Variants in PARD3B observed in about 807,000 individuals in gnomAD.
PARD3B encodes partitioning defective 3 homolog B.
A neutral mutation model predicts 130.2 loss-of-function variants in PARD3B; 103 were observed. That is an observed-to-expected ratio of 0.79 (90% confidence interval 0.67 to 0.93). PARD3B has a LOEUF of 0.93. Among genes scored for constraint, PARD3B ranks in the 40% least tolerant of loss-of-function variants. PARD3B has a pLI of 0.00. For synonymous variants in PARD3B, 583 were observed against 553.2 expected (o/e 1.05, Z -0.76); for missense variants, 1,609 against 1,499.2 (o/e 1.07, Z -1.21).
chr2:204,807,070 G>A (rs1293985535), intron 2 of PARD3B, among the ~76,000 whole-genome samples: 1 of 152,178 alleles, frequency 6.6e-6, no homozygotes, highest in Non-Finnish European at 1.5e-5. Flanking sequence ...GCAGGCAAGA[G>A]TGTGTGTGCA....
intron 14 of PARD3B, among the ~76,000 whole-genome samples, chr2:205,186,714 T>G (rs765646558): frequency 2.0e-5 from 3 of 152,198 alleles, no homozygotes; most frequent in Non-Finnish European, 4.4e-5. Context: ...TCTCTGATTC[T>G]TATACTTTTG....
intron 4 of PARD3B, among the ~76,000 whole-genome samples, chr2:205,087,617 A>C (rs1168675157): frequency 6.6e-6 from 1 of 152,188 alleles, no homozygotes; most frequent in African/African-American, 2.4e-5. Flanking sequence ...TAATGAATGC[A>C]ATAAAGTTAA....
chr2:204,579,518 C>G (rs1272700304), intron 1 of PARD3B, among the ~76,000 whole-genome samples: 1 of 152,162 alleles, frequency 6.6e-6, no homozygotes, highest in Non-Finnish European at 1.5e-5. Flanking sequence ...GAAACTGGCT[C>G]TGTTCTACTC....
At chr2:205,432,080 C>G (rs1472956504) in intron 19 of PARD3B, among the ~76,000 whole-genome samples, 1 of 152,084 alleles carries the variant, frequency 6.6e-6, no homozygotes, top group Non-Finnish European at 1.5e-5. Flanking sequence ...TTGTGTGTTG[C>G]AAACTTTTCT....
chr2:205,507,764 A>G (rs1306866827), intron 21 of PARD3B, among the ~76,000 whole-genome samples: 1 of 152,226 alleles, frequency 6.6e-6, no homozygotes, highest in South Asian at 2.1e-4. Context: ...AGAGAAAGAA[A>G]AGCCTTCCCT....
chr2:204,992,142 A>G (rs1656510356), intron 3 of PARD3B, among the ~76,000 whole-genome samples: 2 of 151,162 alleles, frequency 1.3e-5, no homozygotes, highest in African/African-American at 4.9e-5. Flanking sequence ...TTGGACATGA[A>G]GTCTTTGCCC....
At chr2:205,342,073 G>C (rs562618613) in intron 18 of PARD3B, among the ~76,000 whole-genome samples, 1 of 152,186 alleles carries the variant, frequency 6.6e-6, no homozygotes, top group African/African-American at 2.4e-5. Context: ...TCCACTGTCT[G>C]TTGTATCCTC....
intron 20 of PARD3B, among the ~76,000 whole-genome samples, chr2:205,449,045 AATC>A (rs2048005707): frequency 6.6e-6 from 1 of 151,586 alleles, no homozygotes; most frequent in South Asian, 2.1e-4. Flanking sequence ...CCATGCCTGT[AATC>A]CCAGCTACTT....
At chr2:205,278,054 G>C (rs1364504263) in intron 16 of PARD3B, among the ~76,000 whole-genome samples, 1 of 152,096 alleles carries the variant, frequency 6.6e-6, no homozygotes, top group Non-Finnish European at 1.5e-5. Flanking sequence ...AGGGAGGATA[G>C]GATTTCAAGT....
chr2:204,826,443 A>T (rs904202240), intron 2 of PARD3B, among the ~76,000 whole-genome samples: 1 of 152,156 alleles, frequency 6.6e-6, no homozygotes, highest in African/African-American at 2.4e-5. Context: ...GTAGGGCACA[A>T]TTCATTGCCC....
rs74970281 is a variant in PARD3B, at chr2:205,430,127, A to G, written c.2742-10243A>G. ...TATCCAAATAGGATTGCATCAACAG[A>G]TTCCAGATGGATATACAATTTCCCT... On this transcript the variant is annotated intron_variant, in intron 19 of 22. Coordinates refer to ENST00000406610, the MANE Select transcript of PARD3B (RefSeq NM_001302769.2). 4.1e-3 allele frequency among the ~76,000 whole-genome samples: 620 copies of G among 152,308 alleles called. 2 individuals carry two copies. The highest frequency in any genetic ancestry group is 0.014 in the African/African-American group (562 of 41,586).
intron 10 of PARD3B, among the ~76,000 whole-genome samples, chr2:205,149,602 T>G (rs2033606400): frequency 6.6e-6 from 1 of 152,198 alleles, no homozygotes; most frequent in African/African-American, 2.4e-5. Flanking sequence ...CTTTTTCATC[T>G]TAATTGTGCT....
intron 12 of PARD3B, among the ~76,000 whole-genome samples, chr2:205,172,685 G>T (rs2035242566): frequency 6.6e-6 from 1 of 152,126 alleles, no homozygotes; most frequent in Non-Finnish European, 1.5e-5. Context: ...TGCTAGCAGT[G>T]TCCATACCTT....
chr2:205,448,612 A>AGGCTG (rs1370308950), intron 20 of PARD3B, among the ~76,000 whole-genome samples: 2 of 152,126 alleles, frequency 1.3e-5, no homozygotes, highest in Non-Finnish European at 2.9e-5. Flanking sequence ...TATTCCCTAG[A>AGGCTG]TTTTACCAGC....
At chr2:204,608,119 G>A (rs934100410) in intron 1 of PARD3B, among the ~76,000 whole-genome samples, 1 of 152,164 alleles carries the variant, frequency 6.6e-6, no homozygotes, top group African/African-American at 2.4e-5. Flanking sequence ...ATGATAAAGA[G>A]TGGATGTATT....
At chr2:205,419,416 T>C (rs983722677) in intron 19 of PARD3B, among the ~76,000 whole-genome samples, 1 of 152,184 alleles carries the variant, frequency 6.6e-6, no homozygotes, top group African/African-American at 2.4e-5. Flanking sequence ...CAGTCTTAGG[T>C]ATGTCATTAT....
At chr2:205,049,032 T>G (rs147059950) in intron 4 of PARD3B, among the ~76,000 whole-genome samples, 2 of 152,318 alleles carry the variant, frequency 1.3e-5, no homozygotes, top group East Asian at 3.9e-4. Flanking sequence ...AGCTATTCAG[T>G]GAGAGAAGAA....
At chr2:205,254,667 T>A (rs1028545104) in intron 16 of PARD3B, among the ~76,000 whole-genome samples, 6 of 146,496 alleles carry the variant, frequency 4.1e-5, no homozygotes, top group Admixed American at 6.7e-5. Flanking sequence ...TTATTTTATT[T>A]TATTTTTTTT....
intron 2 of PARD3B, among the ~76,000 whole-genome samples, chr2:204,840,117 G>A (rs1342717598): frequency 6.6e-6 from 1 of 152,004 alleles, no homozygotes; most frequent in Non-Finnish European, 1.5e-5. Context: ...TATTATTAAG[G>A]TAGTTAATGT....
Sources: gnomAD v4.1 joint callset for allele counts (sites outside exome capture counted in the v4.1 genomes callset) on GRCh38, gnomAD v4.1.1 for gene constraint, MANE v1.5 for transcripts, NCBI Gene and HGNC (gene_info 2026-07-23, HGNC 2026-07-21) for gene names.